Variants in MIA2 observed in about 807,000 individuals in gnomAD.
MIA2 encodes the protein melanoma inhibitory activity protein 2.
In MIA2, 127 loss-of-function variants were observed where a neutral mutation model predicts 167.8. The ratio of observed to expected loss-of-function variants is 0.76; its 90% CI spans 0.66 to 0.88. MIA2 has a LOEUF of 0.88. MIA2 is among the 40% of genes least tolerant of loss of function. The pLI is 0.00. For synonymous variants in MIA2, 552 were observed against 541.9 expected (o/e 1.02, Z -0.26); for missense variants, 1,690 against 1,624.7 (o/e 1.04, Z -0.69).
intron 23 of MIA2, among the ~76,000 whole-genome samples, chr14:39,360,610 T>C (rs1373141760): frequency 6.6e-6 from 1 of 152,188 alleles, no homozygotes; most frequent in Admixed American, 6.5e-5. Flanking sequence ...TGTCTCTTAA[T>C]TGTTGATTGT....
intron 20 of MIA2, 74 bp from the exon 21 acceptor site, chr14:39,315,609 A>C: frequency 1.8e-6 from 2 of 1,134,866 alleles, no homozygotes; most frequent in Admixed American, 2.0e-5. Flanking sequence ...GCACTACATC[A>C]TAGTGGTAGA....
chr14:39,322,786 T>G (rs1294381284), intron 24 of MIA2, among the ~76,000 whole-genome samples: 1 of 152,180 alleles, frequency 6.6e-6, no homozygotes, highest in African/African-American at 2.4e-5. Context: ...GTGGCGAAAT[T>G]CAAAGATATA....
At chr14:39,273,653 A>T (rs1273956444) in intron 6 of MIA2, among the ~76,000 whole-genome samples, 1 of 152,068 alleles carries the variant, frequency 6.6e-6, no homozygotes, top group African/African-American at 2.4e-5. Context: ...TTGTATGTTA[A>T]ACCAACCTTG....
In MIA2 at chr14:39,345,301, C is replaced by T. The variant is rs192738209; in HGVS notation, c.3656-603C>T. On this transcript the variant is annotated intron_variant, in intron 25 of 28. Transcript: ENST00000640607. The stretch of plus-strand genomic sequence containing the variant: ...GTTGGCCAGGCTGGTCTGGAACTCC[C>T]GACCTTAGGTGATCCACCCGCTTCG... Among the ~76,000 whole-genome samples, 201 of 151,974 alleles carry T rather than the reference C, an allele frequency of 1.3e-3. 1 individual carries two copies. The highest frequency in any genetic ancestry group is 4.6e-3 in the African/African-American group (190 of 41,436).
At chr14:39,361,033 T>C (rs910281617) in intron 23 of MIA2, among the ~76,000 whole-genome samples, 9 of 152,366 alleles carry the variant, frequency 5.9e-5, no homozygotes, top group Middle Eastern at 3.4e-3. Context: ...ACCAATACTA[T>C]GCTGTTTTGG....
At chr14:39,328,230 CT>C (rs2067981071) in intron 25 of MIA2, among the ~76,000 whole-genome samples, 1 of 152,158 alleles carries the variant, frequency 6.6e-6, no homozygotes, top group Non-Finnish European at 1.5e-5. Context: ...TGATGGTGAG[CT>C]TTTTTTCATA....
chr14:39,355,427 G>C (rs2074496589), downstream of MIA2, among the ~76,000 whole-genome samples: 1 of 152,134 alleles, frequency 6.6e-6, no homozygotes, highest in African/African-American at 2.4e-5. Context: ...TGCTGAAGTT[G>C]CTTATCAGCT....
downstream of MIA2, among the ~76,000 whole-genome samples, chr14:39,351,704 G>T (rs2074388862): frequency 6.6e-6 from 1 of 152,090 alleles, no homozygotes; most frequent in African/African-American, 2.4e-5. Flanking sequence ...CTGAGGCAGG[G>T]AGCTAGAAAC....
chr14:39,383,932 A>G (rs1033554621), intron 23 of MIA2, among the ~76,000 whole-genome samples: 2 of 152,226 alleles, frequency 1.3e-5, no homozygotes, highest in African/African-American at 4.8e-5. Context: ...TCATCTCCCT[A>G]AAAATGCAAG....
At chr14:39,382,123 CGT>C (rs2075177816) in intron 23 of MIA2, among the ~76,000 whole-genome samples, 1 of 152,170 alleles carries the variant, frequency 6.6e-6, no homozygotes, top group Admixed American at 6.5e-5. Context: ...TGCTCTCCAT[CGT>C]CAGGGAAGCA....
chr14:39,248,145 G>T lies in MIA2; in HGVS notation c.1567+4G>T. On this transcript the variant is annotated splice_donor_region_variant and intron_variant, in intron 4 of 28. Coordinates refer to ENST00000640607, the MANE Select transcript of MIA2 (RefSeq NM_001329214.4). ...AAAAGTTCATACAGTCTGTCAGGTT[G>T]GTATGAAAATATTTACATTAGAATT... 2 of 1,361,994 alleles carry T rather than the reference G, an allele frequency of 1.5e-6. No homozygotes were observed. Among genetic ancestry groups the T allele is most frequent in the South Asian group, 1.8e-5 (1 of 55,666 alleles). The allele number at this position is 1,361,994 out of a possible 1,614,324, so 84.4% of individuals were successfully genotyped here.
chr14:39,317,452 T>C (rs534930007), intron 21 of MIA2, among the ~76,000 whole-genome samples: 167 of 152,222 alleles, frequency 1.1e-3, no homozygotes, highest in Non-Finnish European at 1.6e-3. Flanking sequence ...CCCAATCAGA[T>C]AGAACCCAGG....
chr14:39,287,144 G>A (rs928617554), intron 9 of MIA2, among the ~76,000 whole-genome samples: 3 of 151,800 alleles, frequency 2.0e-5, no homozygotes, highest in South Asian at 4.2e-4. Flanking sequence ...CATGGTCATG[G>A]CTCACTGCAG....
intron 23 of MIA2, among the ~76,000 whole-genome samples, chr14:39,366,358 G>A (rs566908468): frequency 6.6e-6 from 1 of 152,288 alleles, no homozygotes; most frequent in South Asian, 2.1e-4. Context: ...GGCCAGGCGG[G>A]TGGGTTGTTG....
At chr14:39,248,513 C>G (rs184159117) in intron 4 of MIA2, among the ~76,000 whole-genome samples, 77 of 151,904 alleles carry the variant, frequency 5.1e-4, no homozygotes, top group African/African-American at 1.8e-3. Flanking sequence ...TTCCCAGAGA[C>G]AGTAATTTTC....
intron 6 of MIA2, among the ~76,000 whole-genome samples, chr14:39,262,022 T>C (rs1290951060): frequency 1.3e-5 from 2 of 152,204 alleles, no homozygotes; most frequent in South Asian, 2.1e-4. Context: ...ATTTTGGCTT[T>C]TGTTGCCATT....
intron 23 of MIA2, chr14:39,386,800 T>C: frequency 9.5e-7 from 1 of 1,057,458 alleles, no homozygotes; most frequent in Non-Finnish European, 1.5e-6. Flanking sequence ...GATAGATTAG[T>C]GTCACCATTA....
At position 39,319,221 on chromosome 14, in the gene MIA2, A is replaced by T. The variant is rs953012642; in HGVS notation, c.3297A>T (p.Thr1099=). 1.3e-5 allele frequency: 21 copies of T among 1,567,726 alleles called. No homozygotes were observed. The highest frequency in any genetic ancestry group is 1.8e-5 in the Non-Finnish European group (21 of 1,152,408). The change falls in exon 23 of 29, where the codon ACA becomes ACT. Residue 1099 remains threonine, a synonymous_variant. Transcript: ENST00000640607. ...TCTTTATTTGCAGATTAACTGAAAC[A>T]GAGCTTAAATTTGAACTTTTAGAAA... The part of the protein sequence containing the change: ...NAHNRQKLTE[T]ELKFELLEKD...
intron 13 of MIA2, among the ~76,000 whole-genome samples, chr14:39,298,448 TTAGTTTTTC>T (rs2061811092): frequency 4.7e-5 from 2 of 42,534 alleles, no homozygotes; most frequent in Admixed American, 2.3e-4. Flanking sequence ...TATATAAAGA[TTAGTTTTTC>T]ATGTGTTCGG....
Sources: gnomAD v4.1 joint callset for allele counts (sites outside exome capture counted in the v4.1 genomes callset) on GRCh38, gnomAD v4.1.1 for gene constraint, MANE v1.5 for transcripts, NCBI Gene and HGNC (gene_info 2026-07-23, HGNC 2026-07-21) for gene names.